The following DAB1 variants were observed in gnomAD, a reference collection of about 807,000 sequenced individuals.
DAB1 encodes disabled homolog 1.
In DAB1, 15 loss-of-function variants were observed where a neutral mutation model predicts 64.6. The observed-to-expected ratio is 0.23, with a 90% CI of 0.16 to 0.36. The LOEUF (loss-of-function observed/expected upper bound fraction) is 0.36. Ranked by LOEUF, DAB1 falls within the 10% of genes least tolerant of loss-of-function variation. The pLI, the probability that DAB1 is intolerant of heterozygous loss-of-function variation, is 1.00. For missense variants in DAB1, 596 were observed against 706.7 expected (o/e 0.84, Z 1.78); for synonymous variants, 235 against 251.9 (o/e 0.93, Z 0.64).
intron 5 of DAB1, among the ~76,000 whole-genome samples, chr1:58,007,149 C>T (rs1366930530): frequency 3.3e-5 from 5 of 152,000 alleles, no homozygotes; most frequent in Admixed American, 1.3e-4. Context: ...GGCAGCTAAT[C>T]GAGTTACTGG....
At chr1:57,883,589 C>G (rs1030347936) in intron 1 of DAB1, among the ~76,000 whole-genome samples, 1 of 152,228 alleles carries the variant, frequency 6.6e-6, no homozygotes, top group African/African-American at 2.4e-5. Context: ...AGAAACATTA[C>G]TTTTTAAATT....
At chr1:58,228,792 A>G in intron 4 of DAB1, 1 of 783,216 alleles carries the variant, frequency 1.3e-6, no homozygotes, top group African/African-American at 1.7e-5. Flanking sequence ...GAAATCATAG[A>G]GCACAAAGAA....
intron 1 of DAB1, among the ~76,000 whole-genome samples, chr1:57,403,611 A>T (rs1683413113): frequency 1.3e-5 from 2 of 152,288 alleles, no homozygotes; most frequent in East Asian, 1.9e-4. Context: ...CTTCCTTCAA[A>T]ATTAAAAGAA....
chr1:57,645,342 G>A (rs1261523321), intron 7 of DAB1, among the ~76,000 whole-genome samples: 2 of 152,148 alleles, frequency 1.3e-5, no homozygotes, highest in Non-Finnish European at 1.5e-5. Context: ...AAACCTAGCA[G>A]GCCTTCTGAC....
intron 7 of DAB1, among the ~76,000 whole-genome samples, chr1:57,498,970 A>G (rs1644260012): frequency 6.6e-6 from 1 of 151,932 alleles, no homozygotes; most frequent in African/African-American, 2.4e-5. Context: ...TTAGGTTTAT[A>G]TGGTGTTTTG....
At position 57,002,781 on chromosome 1, in the gene DAB1, T is replaced by C. The variant is rs188881022; in HGVS notation, c.*16-4653A>G. ...TGCCCCTGACTGTCAGAGGCTGCTG[T>C]TCTTTTTCTTACCATCACACATTTA... On this transcript the variant is annotated intron_variant, in intron 14 of 14. Coordinates refer to ENST00000371236, the MANE Select transcript of DAB1 (RefSeq NM_001365792.1). Among the ~76,000 whole-genome samples the C allele has an allele frequency of 4.9e-4, 74 of 152,326 alleles. No individual in the cohort carries two copies. The East Asian group carries it at 0.01, about 21-fold the overall frequency.
chr1:58,127,826 T>C (rs1653233936), intron 5 of DAB1, among the ~76,000 whole-genome samples: 1 of 152,028 alleles, frequency 6.6e-6, no homozygotes, highest in Non-Finnish European at 1.5e-5. Context: ...TATATCTCTG[T>C]TTTGGTACCA....
At chr1:57,663,772 A>G (rs1646414807) in intron 6 of DAB1, among the ~76,000 whole-genome samples, 1 of 152,158 alleles carries the variant, frequency 6.6e-6, no homozygotes, top group South Asian at 2.1e-4. Context: ...TATTAATATT[A>G]CATTCTTCTG....
At chr1:57,077,898 C>T (rs775715449) in intron 4 of DAB1, among the ~76,000 whole-genome samples, 1 of 151,632 alleles carries the variant, frequency 6.6e-6, no homozygotes, top group Non-Finnish European at 1.5e-5. Flanking sequence ...AGGAAAAATA[C>T]CCAACAGGAA....
At position 58,341,888 on chromosome 1, in the gene DAB1, T is replaced by C. The variant is rs964408382; in HGVS notation, n.309+1464A>G. On this transcript the variant is annotated intron_variant and non_coding_transcript_variant, in intron 4 of 20. Transcript: ENST00000485760. ...TTAACAGTGTTTACCTCTGTCCTGATAGGCTGTAAAGAACACAGTAGGGTC... is the reference window on the plus strand; with the variant it reads ...TTAACAGTGTTTACCTCTGTCCTGACAGGCTGTAAAGAACACAGTAGGGTC... Among the ~76,000 whole-genome samples the C allele has an allele frequency of 3.9e-5, 6 of 152,334 alleles. No homozygotes were observed. In the East Asian group the frequency reaches 7.7e-4, roughly 20 times the overall value.
chr1:57,569,907 T>C (rs1161068592), intron 7 of DAB1, among the ~76,000 whole-genome samples: 2 of 152,192 alleles, frequency 1.3e-5, no homozygotes, highest in Non-Finnish European at 2.9e-5. Context: ...GATAGTTGTA[T>C]TATGTTAGGT....
At chr1:57,317,641 A>G (rs954760087) in intron 1 of DAB1, among the ~76,000 whole-genome samples, 1 of 152,120 alleles carries the variant, frequency 6.6e-6, no homozygotes, top group African/African-American at 2.4e-5. Flanking sequence ...TTACTCAAAG[A>G]GTAGCCTTTG....
Position 57,069,349 on chromosome 1 carries a change from C to A in DAB1, c.663+11G>T, listed in dbSNP as rs974237442. The A allele has an allele frequency of 8.1e-6, 13 of 1,610,914 alleles. No individual in the cohort carries two copies. Among genetic ancestry groups the A allele is most frequent in the African/African-American group, 1.3e-5 (1 of 74,934 alleles). On this transcript the variant is annotated intron_variant, in intron 8 of 14. Coordinates refer to ENST00000371236, the MANE Select transcript of DAB1 (RefSeq NM_001365792.1). Reference sequence around the variant, plus strand: ...GTGGTGCAATGGTAAGAGAGGCAAGCAATTTTATACCTGATAAATGTTTTC... The same window carrying A: ...GTGGTGCAATGGTAAGAGAGGCAAGAAATTTTATACCTGATAAATGTTTTC...
intron 1 of DAB1, among the ~76,000 whole-genome samples, chr1:57,422,562 C>T (rs913592969): frequency 2.0e-5 from 3 of 152,296 alleles, no homozygotes; most frequent in African/African-American, 4.8e-5. Flanking sequence ...CGCACAGATG[C>T]CCGCGTCGCG....
intron 6 of DAB1, among the ~76,000 whole-genome samples, chr1:57,759,721 G>A (rs544036183): frequency 1.3e-5 from 2 of 152,272 alleles, no homozygotes; most frequent in East Asian, 3.9e-4. Context: ...TTGGGGAATA[G>A]ACTAGGCAGA....
At chr1:57,865,363 A>G (rs1029369669) in intron 1 of DAB1, among the ~76,000 whole-genome samples, 5 of 152,110 alleles carry the variant, frequency 3.3e-5, no homozygotes, top group Non-Finnish European at 7.4e-5. Flanking sequence ...TTTGGTGGAT[A>G]ATTAGCTATT....
intron 6 of DAB1, among the ~76,000 whole-genome samples, chr1:57,801,895 C>A (rs1651144812): frequency 6.6e-6 from 1 of 152,152 alleles, no homozygotes; most frequent in Admixed American, 6.5e-5. Flanking sequence ...TGATCTCAAG[C>A]AATCCAACCG....
chr1:57,948,091 T>G (rs193053128), intron 5 of DAB1, among the ~76,000 whole-genome samples: 10 of 152,340 alleles, frequency 6.6e-5, no homozygotes, highest in Admixed American at 5.9e-4. Flanking sequence ...CCTGCTTCAC[T>G]AACCTTCCTT....
chr1:57,638,312 A>G (rs919725725), intron 7 of DAB1, among the ~76,000 whole-genome samples: 2 of 152,248 alleles, frequency 1.3e-5, no homozygotes, highest in African/African-American at 4.8e-5. Context: ...TATTAGAGTT[A>G]AATGAGGAGA....
Sources: allele counts gnomAD v4.1 joint callset (sites outside exome capture counted in the v4.1 genomes callset), GRCh38; gene constraint gnomAD v4.1.1; transcripts MANE v1.5; gene names NCBI Gene and HGNC (gene_info 2026-07-23, HGNC 2026-07-21).